Variants in COL11A1 observed in about 807,000 individuals in gnomAD.
COL11A1 encodes collagen alpha-1(XI) chain.
A neutral mutation model predicts 265.2 loss-of-function variants in COL11A1; 74 were observed. The observed-to-expected ratio is 0.28, with a 90% CI of 0.23 to 0.34. The LOEUF (loss-of-function observed/expected upper bound fraction) is 0.34, where lower values mean the gene tolerates loss of function less well. COL11A1 is among the 10% of genes least tolerant of loss of function. The probability of loss-of-function intolerance (pLI) is 1.00; values close to 1 mark genes in which losing one functional copy is unlikely to be tolerated. For missense variants in COL11A1, 2,165 were observed against 2,263.6 expected (o/e 0.96, Z 0.88); for synonymous variants, 816 against 727.6 (o/e 1.12, Z -1.96).
chr1:102,927,926 T>A (rs888533382), intron 46 of COL11A1, among the ~76,000 whole-genome samples: 1 of 152,124 alleles, frequency 6.6e-6, no homozygotes, highest in Admixed American at 6.5e-5. Flanking sequence ...TTTCAATTTT[T>A]TTAGCCATCT....
chr1:102,956,367 G>T (rs930361143), intron 41 of COL11A1, among the ~76,000 whole-genome samples: 1 of 151,914 alleles, frequency 6.6e-6, no homozygotes, highest in Non-Finnish European at 1.5e-5. Flanking sequence ...TAAGCTCTTT[G>T]CAGGAAGGTC....
intron 15 of COL11A1, among the ~76,000 whole-genome samples, 170 bp from the exon 16 acceptor site, chr1:103,006,485 G>A (rs1267007770): frequency 6.9e-6 from 1 of 145,526 alleles, no homozygotes; most frequent in Non-Finnish European, 1.5e-5. Context: ...GAAGACAAAA[G>A]GTTCATATCA....
In COL11A1 at chr1:103,019,411, C is replaced by A. The variant is rs151112642; in HGVS notation, c.1309-552G>T. Among the ~76,000 whole-genome samples, 280 of 152,188 alleles carry A rather than the reference C, an allele frequency of 1.8e-3. 1 individual carries two copies. Among genetic ancestry groups the A allele is most frequent in the Admixed American group, 1.9e-3 (29 of 15,288 alleles). On this transcript the variant is annotated intron_variant, in intron 9 of 66. Coordinates refer to ENST00000370096, the MANE Select transcript of COL11A1 (RefSeq NM_001854.4). ...GTTCTAAAACATTTATGATTCCACT[C>A]CATCTTTGGACTGCTGAAAAGCTAT...
chr1:102,902,471 T>C (rs1379033575), intron 54 of COL11A1, among the ~76,000 whole-genome samples: 3 of 152,038 alleles, frequency 2.0e-5, no homozygotes, highest in Admixed American at 1.3e-4. Context: ...AGAACAATTT[T>C]CCCAAAAGTA....
At chr1:102,923,976 AGGC>A (rs1263957972) in intron 46 of COL11A1, among the ~76,000 whole-genome samples, 2 of 150,698 alleles carry the variant, frequency 1.3e-5, no homozygotes, top group Non-Finnish European at 2.9e-5. Context: ...TGGGAGGCTG[AGGC>A]GGGCGGATCA....
Position 102,878,057 on chromosome 1 carries a change from A to G in COL11A1, c.5383T>C (p.Phe1795Leu). The G allele has an allele frequency of 6.2e-7, 1 of 1,613,654 alleles. No individual in the cohort carries two copies. The highest frequency in any genetic ancestry group is 1.1e-5 in the South Asian group (1 of 91,076). The change falls in exon 67 of 67, where the codon TTC becomes CTC. Residue 1795 changes from phenylalanine (F) to leucine (L), a missense_variant. Coordinates refer to ENST00000370096, the MANE Select transcript of COL11A1 (RefSeq NM_001854.4). ...INDFGDQNQK[F>L]GFEVGPVCFL... ...CAAACAGGACCAACTTCAAATCCGA[A>G]CTTCTGATTCTGATCACCAAAGTCA...
chr1:102,965,422 C>T (rs1446013913), intron 38 of COL11A1, 65 bp downstream of exon 38: 2 of 1,392,600 alleles, frequency 1.4e-6, no homozygotes, highest in African/African-American at 2.8e-5. Flanking sequence ...TTTTACACAA[C>T]TTAGGAAGGT....
rs1665416216 is a variant in COL11A1, at chr1:103,004,526, G to C, written c.1900-38C>G. ...AAATGAATGAGAGTATAGAACATTT[G>C]GACAATGTATCATTTCAACATGATT... is the stretch of plus-strand genomic sequence containing the variant. On this transcript the variant is annotated intron_variant, in intron 19 of 66. Coordinates refer to ENST00000370096, the MANE Select transcript of COL11A1 (RefSeq NM_001854.4). The C allele has an allele frequency of 3.1e-6, 5 of 1,594,996 alleles. No homozygotes were observed. In the East Asian group the frequency reaches 1.1e-4, roughly 36 times the overall value.
chr1:103,006,977 A>G (rs922200046), intron 15 of COL11A1, among the ~76,000 whole-genome samples: 8 of 151,522 alleles, frequency 5.3e-5, no homozygotes, highest in Middle Eastern at 3.2e-3. Flanking sequence ...TCTCTTTCCA[A>G]TCCCCTTTCT....
chr1:103,037,074 A>G (rs955062823), intron 4 of COL11A1, among the ~76,000 whole-genome samples: 5 of 151,508 alleles, frequency 3.3e-5, no homozygotes, highest in African/African-American at 9.7e-5. Context: ...TTTTAAAACC[A>G]AACAAATAAT....
At chr1:102,970,348 A>T in intron 36 of COL11A1, 76 bp from the exon 37 acceptor site, 1 of 1,211,056 alleles carries the variant, frequency 8.3e-7, no homozygotes, top group South Asian at 1.4e-5. Flanking sequence ...CATGTTAGAA[A>T]ATTTTCTTTT....
rs1338346470 is a variant in COL11A1 at position 103,081,329 on chromosome 1, T to A, written c.274+1476A>T. Among the ~76,000 whole-genome samples the A allele has an allele frequency of 2.0e-5, 3 of 152,018 alleles. No homozygotes were observed. In the East Asian group the frequency reaches 5.8e-4, roughly 29 times the overall value. ...TGGTATATTTTTCTTTGTTTTACTC[T>A]CTTCAAAATTCCCATCCCTTTTTCT... On this transcript the variant is annotated intron_variant, in intron 2 of 66. Coordinates refer to ENST00000370096, the MANE Select transcript of COL11A1 (RefSeq NM_001854.4).
intron 4 of COL11A1, among the ~76,000 whole-genome samples, chr1:103,055,785 A>G (rs781155586): frequency 3.3e-5 from 5 of 152,204 alleles, no homozygotes; most frequent in Non-Finnish European, 5.9e-5. Flanking sequence ...TTCTCTTCCA[A>G]TGTGGCCCAG....
intron 4 of COL11A1, among the ~76,000 whole-genome samples, chr1:103,040,385 T>A (rs907919249): frequency 6.6e-6 from 1 of 151,664 alleles, no homozygotes; most frequent in African/African-American, 2.4e-5. Context: ...TCTCAGATTA[T>A]ATACTTTTTT....
At chr1:102,883,817 A>G (rs1477087488) in intron 63 of COL11A1, among the ~76,000 whole-genome samples, 14 of 152,136 alleles carry the variant, frequency 9.2e-5, no homozygotes, top group Admixed American at 9.2e-4. Context: ...ATAAAAAAAA[A>G]AAACTTCTTG....
At chr1:102,982,460 T>C (rs909166017) in intron 31 of COL11A1, among the ~76,000 whole-genome samples, 2 of 152,074 alleles carry the variant, frequency 1.3e-5, no homozygotes, top group Non-Finnish European at 2.9e-5. Flanking sequence ...TCCTGGATTA[T>C]GCAGTGAATG....
At chr1:103,010,365 T>C (rs1188831877) in intron 14 of COL11A1, among the ~76,000 whole-genome samples, 1 of 152,098 alleles carries the variant, frequency 6.6e-6, no homozygotes, top group Non-Finnish European at 1.5e-5. Flanking sequence ...AAAGAAACAA[T>C]ATGATTTTTT....
At position 102,913,787 on chromosome 1, in the gene COL11A1, A is replaced by G; in HGVS notation, c.3979-97T>C. On this transcript the variant is annotated intron_variant, in intron 52 of 66. Coordinates refer to ENST00000370096, the MANE Select transcript of COL11A1 (RefSeq NM_001854.4). ...AAGTATGTTAGGCCATCTCTTGAGA[A>G]AAATTATCAGATGGACAAGTAAAAT... The G allele has an allele frequency of 5.7e-6, 6 of 1,058,558 alleles. No individual in the cohort carries two copies. The South Asian group carries it at 6.5e-5, about 11-fold the overall frequency. The allele number at this position is 1,058,558 out of a possible 1,614,324, so 65.6% of individuals were successfully genotyped here. A position where few individuals can be genotyped will look rare whatever the true frequency, so the allele number is the denominator to read the frequency against.
At chr1:103,036,107 G>T (rs764601117) in intron 4 of COL11A1, among the ~76,000 whole-genome samples, 4 of 151,374 alleles carry the variant, frequency 2.6e-5, no homozygotes, top group Non-Finnish European at 3.0e-5. Flanking sequence ...TGAGGGTTTT[G>T]ATTACAAACT....
Sources: allele counts gnomAD v4.1 joint callset (sites outside exome capture counted in the v4.1 genomes callset), GRCh38; gene constraint gnomAD v4.1.1; transcripts MANE v1.5; gene names NCBI Gene and HGNC (gene_info 2026-07-23, HGNC 2026-07-21).